The following CCDC150 variants were observed in gnomAD, a reference collection of about 807,000 sequenced individuals.
CCDC150 encodes the protein coiled-coil domain-containing protein 150.
A neutral mutation model predicts 156.5 loss-of-function variants in CCDC150; 151 were observed. The ratio of observed to expected loss-of-function variants is 0.97; its 90% confidence interval spans 0.85 to 1.10. The LOEUF is 1.10. Ranked by LOEUF, CCDC150 falls within the 50% of genes least tolerant of loss-of-function variation. CCDC150 has a pLI of 0.00. For synonymous variants in CCDC150, 452 were observed against 429.4 expected, an observed-to-expected ratio of 1.05 and a Z score of -0.65; for missense variants, 1,312 against 1,268.1, an observed-to-expected ratio of 1.03 and a Z score of -0.53.
intron 17 of CCDC150, among the ~76,000 whole-genome samples, chr2:196,715,958 T>C (rs1697470108): frequency 6.6e-6 from 1 of 152,192 alleles, no homozygotes; most frequent in South Asian, 2.1e-4. Flanking sequence ...AAATCACATA[T>C]CTGATTAAGG....
intron 26 of CCDC150, 73 bp downstream of exon 26, chr2:196,731,018 A>T: frequency 1.8e-6 from 2 of 1,088,068 alleles, no homozygotes; most frequent in Non-Finnish European, 2.7e-6. Context: ...ACCCAAGTCA[A>T]TGTGAAATCC....
Position 196,732,676 on chromosome 2 carries a change from G to A in CCDC150, c.*114G>A. On this transcript the variant is annotated 3_prime_UTR_variant, in exon 28 of 28. Coordinates refer to ENST00000389175, the MANE Select transcript of CCDC150 (RefSeq NM_001080539.2). ...TAAGAACATGAAGTCTTTGATGTGGGCTGAAGATTTTGGACCTGAGTTTAT... is the reference window on the plus strand; with the variant it reads ...TAAGAACATGAAGTCTTTGATGTGGACTGAAGATTTTGGACCTGAGTTTAT... The A allele has an allele frequency of 2.8e-6, 2 of 708,434 alleles. 1 individual carries two copies. The highest frequency in any genetic ancestry group is 3.3e-5 in the South Asian group (2 of 60,194). 43.9% of individuals were successfully genotyped at this position (708,434 alleles called of 1,614,324 possible).
At chr2:196,693,055 A>T (rs377632224) in intron 13 of CCDC150, among the ~76,000 whole-genome samples, 1 of 152,178 alleles carries the variant, frequency 6.6e-6, no homozygotes, top group Non-Finnish European at 1.5e-5. Flanking sequence ...ACTCTCTACC[A>T]TTATGTAATG....
Position 196,712,179 on chromosome 2 carries a change from CTT to C in CCDC150, c.1733_1734del (p.Phe578TyrfsTer2), listed in dbSNP as rs757215022. On this transcript the variant is annotated frameshift_variant, in exon 16 of 28. Coordinates refer to ENST00000389175, the MANE Select transcript of CCDC150 (RefSeq NM_001080539.2). LOFTEE classifies it high-confidence loss of function. The stretch of plus-strand genomic sequence containing the variant: ...AAACAGCTAGAAGAACAAGTACAGT[CTT>C]TTACTGACACCAGCTTACAGAATGA... 6 of 1,585,614 alleles carry C rather than the reference CTT, an allele frequency of 3.8e-6. No individual in the cohort carries two copies. Among genetic ancestry groups the C allele is most frequent in the Non-Finnish European group, 5.2e-6 (6 of 1,163,530 alleles).
Position 196,730,093 on chromosome 2 carries a change from G to A in CCDC150, c.2957G>A (p.Arg986Lys), listed in dbSNP as rs368717346. 8.1e-6 allele frequency: 13 copies of A among 1,609,906 alleles called. No homozygotes were observed. The highest frequency in any genetic ancestry group is 1.0e-5 in the Non-Finnish European group (12 of 1,178,542). ...ELHLEAERKI[R>K]QELENRCQEL... ...CACCTAGAAGCAGAGCGGAAAATAA[G>A]GCAGGAGCTAGAGAATCGGTGCCAG... The change falls in exon 25 of 28, where the codon AGG becomes AAG. Residue 986 changes from arginine (R) to lysine (K), a missense_variant. By Grantham distance (26) the Arg-to-Lys change is conservative. Transcript: ENST00000389175.
chr2:196,657,943 C>G (rs980075015), intron 4 of CCDC150, among the ~76,000 whole-genome samples: 3 of 152,042 alleles, frequency 2.0e-5, no homozygotes, highest in African/African-American at 4.8e-5. Flanking sequence ...TATAAACTAG[C>G]CTTACAAGAG....
chr2:196,708,790 T>C (rs2125683145), intron 15 of CCDC150, among the ~76,000 whole-genome samples: 1 of 152,344 alleles, frequency 6.6e-6, no homozygotes, highest in Middle Eastern at 3.4e-3. Flanking sequence ...GGATATTAAA[T>C]TCTGGGTTGA....
At chr2:196,727,668 C>T (rs1698284492) in intron 22 of CCDC150, 1 of 152,036 alleles carries the variant, frequency 6.6e-6, no homozygotes, top group African/African-American at 2.4e-5. Context: ...AATTAGGGAA[C>T]ATAAAGGTGT....
Position 196,680,155 on chromosome 2 carries a change from A to C in CCDC150, c.1509+2794A>C, listed in dbSNP as rs556591914. ...ATCAATTTAAAAAATTTTGTGGATC[A>C]TACTTTTTGAATTTTTGCCTAACCT... is the stretch of plus-strand genomic sequence containing the variant. On this transcript the variant is annotated intron_variant, in intron 13 of 27. Coordinates refer to ENST00000389175, the MANE Select transcript of CCDC150 (RefSeq NM_001080539.2). Among the ~76,000 whole-genome samples the C allele has an allele frequency of 2.6e-5, 4 of 152,290 alleles. No individual in the cohort carries two copies. In the South Asian group the frequency reaches 6.2e-4, roughly 24 times the overall value.
intron 13 of CCDC150, among the ~76,000 whole-genome samples, chr2:196,687,732 G>A (rs1194539108): frequency 6.6e-6 from 1 of 152,096 alleles, no homozygotes; most frequent in Non-Finnish European, 1.5e-5. Context: ...ATAGTTCTGG[G>A]TTTTATATTT....
At chr2:196,669,586 A>G (rs1249123909) in intron 7 of CCDC150, among the ~76,000 whole-genome samples, 12 of 152,162 alleles carry the variant, frequency 7.9e-5, no homozygotes, top group Non-Finnish European at 1.6e-4. Context: ...CTTTCTAACA[A>G]AAATCTTTTG....
At chr2:196,705,913 A>G (rs968093616) in intron 15 of CCDC150, among the ~76,000 whole-genome samples, 3 of 152,054 alleles carry the variant, frequency 2.0e-5, no homozygotes. Context: ...TGGTCTATAT[A>G]TCTGTTTTGG....
chr2:196,652,279 C>T (rs1230161623), intron 2 of CCDC150, among the ~76,000 whole-genome samples: 2 of 152,202 alleles, frequency 1.3e-5, no homozygotes, highest in Non-Finnish European at 1.5e-5. Flanking sequence ...TCCAAAGTCT[C>T]ATCTGAGACT....
intron 12 of CCDC150, among the ~76,000 whole-genome samples, chr2:196,676,937 C>T (rs1040556134): frequency 6.6e-6 from 1 of 152,158 alleles, no homozygotes; most frequent in Non-Finnish European, 1.5e-5. Context: ...ACTTATCCGG[C>T]GTTAGTGAAT....
intron 13 of CCDC150, among the ~76,000 whole-genome samples, chr2:196,691,769 C>T (rs1347404617): frequency 2.0e-5 from 3 of 152,138 alleles, no homozygotes; most frequent in East Asian, 1.9e-4. Context: ...GGTGAAACCT[C>T]GTCTCTACTA....
intron 15 of CCDC150, among the ~76,000 whole-genome samples, chr2:196,704,454 G>A (rs1696454539): frequency 1.3e-5 from 2 of 152,046 alleles, no homozygotes; most frequent in African/African-American, 4.8e-5. Flanking sequence ...AAATTCTTAG[G>A]AGTAGAATTA....
intron 2 of CCDC150, among the ~76,000 whole-genome samples, chr2:196,646,958 C>A (rs1243611904): frequency 6.6e-6 from 1 of 151,906 alleles, no homozygotes; most frequent in Non-Finnish European, 1.5e-5. Flanking sequence ...GAATGAGATA[C>A]TAAAAAACAA....
At chr2:196,710,147 T>C (rs1468472666) in intron 15 of CCDC150, among the ~76,000 whole-genome samples, 1 of 152,246 alleles carries the variant, frequency 6.6e-6, no homozygotes, top group African/African-American at 2.4e-5. Flanking sequence ...GAGGTCTTGC[T>C]GAGCTGTGGT....
At chr2:196,732,206 T>C in intron 27 of CCDC150, 54 bp downstream of exon 27, 5 of 1,600,242 alleles carry the variant, frequency 3.1e-6, no homozygotes, top group Non-Finnish European at 4.3e-6. Context: ...GCTTCTCAGA[T>C]TTCTAATTAC....
Sources: allele counts gnomAD v4.1 joint callset (sites outside exome capture counted in the v4.1 genomes callset), GRCh38; gene constraint gnomAD v4.1.1; transcripts MANE v1.5; gene names NCBI Gene and HGNC (gene_info 2026-07-23, HGNC 2026-07-21).